MITF: variants seen among roughly 807,000 people sequenced by gnomAD.
MITF encodes the protein microphthalmia-associated transcription factor.
In MITF, 17 loss-of-function variants were observed where a neutral mutation model predicts 60.5. The ratio of observed to expected loss-of-function variants is 0.28; its 90% CI spans 0.19 to 0.42. The LOEUF is 0.42. Ranked by LOEUF, MITF falls within the 10% of genes least tolerant of loss-of-function variation. MITF has a pLI of 1.00. For missense variants in MITF, 622 were observed against 683.5 expected, an observed-to-expected ratio of 0.91 and a Z score of 1.00; for synonymous variants, 260 against 248.5, an observed-to-expected ratio of 1.05 and a Z score of -0.43.
chr3:69,911,905 A>T (rs2065233190), intron 2 of MITF, among the ~76,000 whole-genome samples: 1 of 152,202 alleles, frequency 6.6e-6, no homozygotes, highest in African/African-American at 2.4e-5. Context: ...CCATTTAATG[A>T]TTCCACCTCA....
At chr3:69,740,456 T>G (rs1053302250) in intron 1 of MITF, among the ~76,000 whole-genome samples, 1 of 152,178 alleles carries the variant, frequency 6.6e-6, no homozygotes, top group African/African-American at 2.4e-5. Flanking sequence ...CGTGTTTAAT[T>G]CGCTGGGGAC....
chr3:69,868,574 G>A lies in MITF; in HGVS notation c.105-10560G>A, dbSNP rs1190739769. ...ATGCCACGGTTTTCGTCTACCAGGT[G>A]TATTTCCCTGAGTCCAGTTCACCAT... On this transcript the variant is annotated intron_variant, in intron 1 of 9. Coordinates refer to ENST00000352241, the MANE Select transcript of MITF (RefSeq NM_001354604.2). 2.0e-5 allele frequency among the ~76,000 whole-genome samples: 3 copies of A among 152,216 alleles called. No homozygotes were observed. The East Asian group carries it at 5.8e-4, about 29-fold the overall frequency.
intron 1 of MITF, among the ~76,000 whole-genome samples, chr3:69,815,612 A>G (rs1260899433): frequency 1.3e-5 from 2 of 152,300 alleles, no homozygotes; most frequent in East Asian, 1.9e-4. Context: ...GACTATTTAT[A>G]TTATTGGTAA....
intron 7 of MITF, 35 bp downstream of exon 7, chr3:69,951,921 T>G (rs2066266162): frequency 2.1e-6 from 3 of 1,456,844 alleles, no homozygotes; most frequent in Non-Finnish European, 2.9e-6. Context: ...TGACATTTGA[T>G]ATTAATGTTC....
intron 2 of MITF, among the ~76,000 whole-genome samples, chr3:69,915,860 C>CT (rs1336912735): frequency 1.3e-5 from 2 of 152,178 alleles, no homozygotes; most frequent in Non-Finnish European, 2.9e-5. Flanking sequence ...TCCTTTATCT[C>CT]TAACACCTGA....
At position 69,912,202 on chromosome 3, in the gene MITF, A is replaced by G. The variant is rs550072630; in HGVS notation, c.355-25620A>G. Reference sequence around the variant, plus strand: ...AAAATCACACAAAGTTATAGGTGCTATCTTGCAAAAGCATAAACACATGGA... The same window carrying G: ...AAAATCACACAAAGTTATAGGTGCTGTCTTGCAAAAGCATAAACACATGGA... On this transcript the variant is annotated intron_variant, in intron 2 of 9. Coordinates refer to ENST00000352241, the MANE Select transcript of MITF (RefSeq NM_001354604.2). Among the ~76,000 whole-genome samples the G allele has an allele frequency of 7.2e-5, 11 of 152,348 alleles. No individual in the cohort carries two copies. In the South Asian group the frequency reaches 2.3e-3, roughly 32 times the overall value.
In MITF at chr3:69,967,474, G is replaced by A. The variant is rs1339221520; in HGVS notation, c.*2226G>A. 4.3e-6 allele frequency: 1 copy of A among 233,496 alleles called. No homozygotes were observed. Among genetic ancestry groups the A allele is most frequent in the Non-Finnish European group, 8.5e-6 (1 of 117,888 alleles). The allele number at this position is 233,496 out of a possible 1,614,324, so 14.5% of individuals were successfully genotyped here. Reference sequence around the variant, plus strand: ...GTTAGTTTTCCTTAGCTGATTTTGAGGGTTTTTAAAAATAAAGCAAGGTTG... The same window carrying A: ...GTTAGTTTTCCTTAGCTGATTTTGAAGGTTTTTAAAAATAAAGCAAGGTTG... On this transcript the variant is annotated 3_prime_UTR_variant, in exon 10 of 10. Coordinates refer to ENST00000352241, the MANE Select transcript of MITF (RefSeq NM_001354604.2).
chr3:69,867,328 A>C (rs1206280219), intron 1 of MITF, among the ~76,000 whole-genome samples: 4 of 152,176 alleles, frequency 2.6e-5, no homozygotes, highest in African/African-American at 9.6e-5. Context: ...TTTGATTCTT[A>C]AAAAATATAA....
chr3:69,884,508 T>C lies in MITF; in HGVS notation c.354+5125T>C, dbSNP rs114324779. On this transcript the variant is annotated intron_variant, in intron 2 of 9. Coordinates refer to ENST00000352241, the MANE Select transcript of MITF (RefSeq NM_001354604.2). ...CAGTGAGGACTTCTCACCCTGTGTC[T>C]TGAGAGCAGTTTAATTGGTTCAATG... 4.7e-3 allele frequency among the ~76,000 whole-genome samples: 718 copies of C among 152,256 alleles called. 7 individuals carry two copies. The highest frequency in any genetic ancestry group is 7.0e-3 in the Non-Finnish European group (477 of 67,998).
chr3:69,910,318 T>C (rs1195513080), intron 2 of MITF, among the ~76,000 whole-genome samples: 1 of 152,204 alleles, frequency 6.6e-6, no homozygotes, highest in African/African-American at 2.4e-5. Flanking sequence ...GGCAAAAGTT[T>C]GCTATAGGGG....
At chr3:69,890,321 C>T (rs112865558) in intron 2 of MITF, among the ~76,000 whole-genome samples, 1 of 152,248 alleles carries the variant, frequency 6.6e-6, no homozygotes, top group African/African-American at 2.4e-5. Context: ...TGACAGCCCT[C>T]AACTTGTTAG....
chr3:69,897,129 A>G (rs545974868), intron 2 of MITF, among the ~76,000 whole-genome samples: 1 of 152,304 alleles, frequency 6.6e-6, no homozygotes, highest in South Asian at 2.1e-4. Context: ...GGTCTGATGC[A>G]GTCAGGATTG....
At chr3:69,854,034 G>T (rs950609750) in intron 1 of MITF, among the ~76,000 whole-genome samples, 10 of 151,952 alleles carry the variant, frequency 6.6e-5, no homozygotes, top group African/African-American at 2.4e-4. Flanking sequence ...ATTTTTAGTA[G>T]AGACAGAGTT....
At chr3:69,901,072 A>G (rs760736581) in intron 2 of MITF, among the ~76,000 whole-genome samples, 1 of 152,080 alleles carries the variant, frequency 6.6e-6, no homozygotes, top group Non-Finnish European at 1.5e-5. Context: ...AGTTTGGAGG[A>G]AGGTTGCTAC....
At chr3:69,874,356 A>G (rs2064305023) in intron 1 of MITF, among the ~76,000 whole-genome samples, 1 of 152,238 alleles carries the variant, frequency 6.6e-6, no homozygotes, top group Non-Finnish European at 1.5e-5. Flanking sequence ...GCACATAGGC[A>G]TATAAAAAGT....
At chr3:69,777,875 CT>C (rs1021860251) in intron 1 of MITF, among the ~76,000 whole-genome samples, 3 of 151,950 alleles carry the variant, frequency 2.0e-5, no homozygotes, top group African/African-American at 7.3e-5. Flanking sequence ...GAAGGGTGGG[CT>C]TTATTAGAAG....
At chr3:69,913,800 G>A (rs966289316) in intron 2 of MITF, among the ~76,000 whole-genome samples, 1 of 152,122 alleles carries the variant, frequency 6.6e-6, no homozygotes, top group Non-Finnish European at 1.5e-5. Context: ...TTGTTTTGGT[G>A]GTGATGCCTA....
At chr3:69,851,369 A>C (rs34255600) in intron 1 of MITF, among the ~76,000 whole-genome samples, 47,031 of 151,934 alleles carry the variant, frequency 0.31, 8,793 homozygotes, top group Non-Finnish European at 0.42. Context: ...AATGGATAGC[A>C]CCTTTTATTC....
intron 1 of MITF, among the ~76,000 whole-genome samples, chr3:69,843,887 T>G (rs2063683301): frequency 6.6e-6 from 1 of 152,102 alleles, no homozygotes; most frequent in African/African-American, 2.4e-5. Flanking sequence ...ATGCTTTCCC[T>G]CTCCTAGTCC....
Sources: allele counts gnomAD v4.1 joint callset (sites outside exome capture counted in the v4.1 genomes callset), GRCh38; gene constraint gnomAD v4.1.1; transcripts MANE v1.5; gene names NCBI Gene and HGNC (gene_info 2026-07-23, HGNC 2026-07-21).